The following SNX9 variants were observed in gnomAD, a reference collection of about 807,000 sequenced individuals.
The protein encoded by SNX9 is sorting nexin-9.
A neutral mutation model predicts 89.4 loss-of-function variants in SNX9; 44 were observed. The observed-to-expected ratio is 0.49, with a 90% CI of 0.39 to 0.63. The LOEUF is 0.63. Among genes scored for constraint, SNX9 ranks in the 30% least tolerant of loss-of-function variants. The pLI is 0.00. For synonymous variants in SNX9, 236 were observed against 247.8 expected (o/e 0.95, Z 0.45); for missense variants, 578 against 736.1 (o/e 0.79, Z 2.49).
At chr6:157,899,905 G>GTGTGTGT (rs1783058982) in intron 5 of SNX9, among the ~76,000 whole-genome samples, 1 of 151,980 alleles carries the variant, frequency 6.6e-6, no homozygotes, top group Non-Finnish European at 1.5e-5. Context: ...GTGTGTGTGT[G>GTGTGTGT]CGCGTGTATA....
At chr6:157,930,198 A>G (rs1033684754) in intron 12 of SNX9, among the ~76,000 whole-genome samples, 4 of 152,164 alleles carry the variant, frequency 2.6e-5, no homozygotes, top group African/African-American at 9.7e-5. Flanking sequence ...TTTACCATCC[A>G]CATATTATCT....
intron 15 of SNX9, 46 bp from the exon 16 acceptor site, chr6:157,938,587 T>C (rs751084051): frequency 7.9e-7 from 1 of 1,267,096 alleles, no homozygotes. Context: ...AACTAATGAC[T>C]AATCATTTCA....
At chr6:157,853,792 A>T (rs1178665010) in intron 1 of SNX9, among the ~76,000 whole-genome samples, 3 of 74,532 alleles carry the variant, frequency 4.0e-5, no homozygotes, top group Admixed American at 1.1e-4. Flanking sequence ...TGTAATGTTT[A>T]AAAAAAAAAA....
rs1583226810 is a variant in SNX9 at position 157,902,083 on chromosome 6, TA to T, written c.620+39del. 71 of 1,602,424 alleles carry T rather than the reference TA, an allele frequency of 4.4e-5. No homozygotes were observed. In the East Asian group the frequency reaches 1.6e-3, roughly 36 times the overall value. On this transcript the variant is annotated intron_variant, in intron 6 of 17. Coordinates refer to ENST00000392185, the MANE Select transcript of SNX9 (RefSeq NM_016224.5). The stretch of plus-strand genomic sequence containing the variant: ...GGGAGCCAGGGAACCAGGGCCGTGG[TA>T]GAAGTATACATTAATACAAAGTATA...
At chr6:157,862,205 C>T (rs958118824) in intron 1 of SNX9, among the ~76,000 whole-genome samples, 2 of 152,198 alleles carry the variant, frequency 1.3e-5, no homozygotes, top group Non-Finnish European at 2.9e-5. Flanking sequence ...TTTATGCCTT[C>T]ACCATTTAGA....
chr6:157,862,599 A>G (rs1460220463), intron 1 of SNX9, among the ~76,000 whole-genome samples: 8 of 152,198 alleles, frequency 5.3e-5, no homozygotes, highest in Non-Finnish European at 7.3e-5. Context: ...TTTATATGCA[A>G]TCAGAGAGGT....
At chr6:157,833,210 GT>G (rs1386159323) in intron 1 of SNX9, among the ~76,000 whole-genome samples, 1 of 152,044 alleles carries the variant, frequency 6.6e-6, no homozygotes, top group East Asian at 1.9e-4. Context: ...CACATAAGAA[GT>G]TTTTTTATGT....
intron 10 of SNX9, among the ~76,000 whole-genome samples, chr6:157,922,148 CCTCT>C (rs766290691): frequency 1.3e-5 from 2 of 152,164 alleles, no homozygotes; most frequent in African/African-American, 2.4e-5. Flanking sequence ...TCAGTGCTGG[CCTCT>C]CTCTCTGCCT....
At position 157,823,474 on chromosome 6, in the gene SNX9, C is replaced by G. The variant is rs1449644354; in HGVS notation, c.12+28C>G. On this transcript the variant is annotated intron_variant, in intron 1 of 17. Transcript: ENST00000392185. The surrounding 1 kb of genome is among the most constrained non-coding windows in gnomAD (Gnocchi z 4.6). The stretch of plus-strand genomic sequence containing the variant: ...GAGGGGCGCGCGGCGCAGGCCGGGC[C>G]GGTCGCTCAGGCCCGGGGCGGCGCG... The G allele has an allele frequency of 1.0e-5, 12 of 1,189,974 alleles. No homozygotes were observed. Among genetic ancestry groups the G allele is most frequent in the African/African-American group, 1.6e-5 (1 of 61,726 alleles). The allele number at this position is 1,189,974 out of a possible 1,614,324, so 73.7% of individuals were successfully genotyped here.
At chr6:157,841,364 A>G (rs1781699361) in intron 1 of SNX9, among the ~76,000 whole-genome samples, 1 of 152,184 alleles carries the variant, frequency 6.6e-6, no homozygotes, top group African/African-American at 2.4e-5. Context: ...TTTATTACCT[A>G]CAGGCCCTGG....
chr6:157,939,038 A>G (rs1783982696), intron 16 of SNX9, among the ~76,000 whole-genome samples: 1 of 152,202 alleles, frequency 6.6e-6, no homozygotes, highest in Non-Finnish European at 1.5e-5. Context: ...ATGCTCTATT[A>G]AATGCCAGAG....
intron 1 of SNX9, among the ~76,000 whole-genome samples, chr6:157,825,267 TC>T (rs1326142816): frequency 6.6e-6 from 1 of 151,926 alleles, no homozygotes; most frequent in African/African-American, 2.4e-5. Context: ...AAGACGAGAC[TC>T]CGTTTGAAAA....
intron 2 of SNX9, among the ~76,000 whole-genome samples, chr6:157,870,120 C>T (rs946849564): frequency 1.3e-5 from 2 of 151,036 alleles, no homozygotes; most frequent in African/African-American, 2.4e-5. Context: ...CACACATACA[C>T]CTGCACTCAC....
At chr6:157,861,407 T>A (rs1049396641) in intron 1 of SNX9, among the ~76,000 whole-genome samples, 3 of 152,234 alleles carry the variant, frequency 2.0e-5, no homozygotes, top group Non-Finnish European at 4.4e-5. Flanking sequence ...ACAGTTTGAA[T>A]AATGACACTG....
chr6:157,920,269 G>T (rs1200203675), intron 9 of SNX9, among the ~76,000 whole-genome samples: 1 of 152,124 alleles, frequency 6.6e-6, no homozygotes, highest in East Asian at 1.9e-4. Context: ...TCTCCAATGT[G>T]TATGCATACA....
chr6:157,921,437 C>G, intron 9 of SNX9, 94 bp from the exon 10 acceptor site: 1 of 1,300,606 alleles, frequency 7.7e-7, no homozygotes, highest in Non-Finnish European at 1.1e-6. Flanking sequence ...TACCCAATAG[C>G]CAGTAGACAT....
intron 1 of SNX9, among the ~76,000 whole-genome samples, chr6:157,848,523 G>A (rs1781846211): frequency 6.6e-6 from 1 of 152,244 alleles, no homozygotes; most frequent in Admixed American, 6.5e-5. Flanking sequence ...TTTAGCTGGG[G>A]CAGTAAACCT....
intron 1 of SNX9, among the ~76,000 whole-genome samples, chr6:157,834,521 A>AT (rs71027370): frequency 0.2 from 29,592 of 149,678 alleles, 3,324 homozygotes; most frequent in African/African-American, 0.29. Flanking sequence ...AATTTTTTAA[A>AT]TTTTTTTTTC....
In SNX9 at chr6:157,882,507, T is replaced by G. The variant is rs368462606; in HGVS notation, c.300+7331T>G. 4.6e-4 allele frequency among the ~76,000 whole-genome samples: 70 copies of G among 152,332 alleles called. 1 individual carries two copies. Among genetic ancestry groups the G allele is most frequent in the African/African-American group, 1.6e-3 (67 of 41,574 alleles). On this transcript the variant is annotated intron_variant, in intron 4 of 17. Coordinates refer to ENST00000392185, the MANE Select transcript of SNX9 (RefSeq NM_016224.5). Reference sequence around the variant, plus strand: ...TGGCTGCCATAAATAGTGATTCCTCTGATGGATCTGGGCAAAGTACATCGA... The same window carrying G: ...TGGCTGCCATAAATAGTGATTCCTCGGATGGATCTGGGCAAAGTACATCGA...
Sources: allele counts gnomAD v4.1 joint callset (sites outside exome capture counted in the v4.1 genomes callset), GRCh38; gene constraint gnomAD v4.1.1; non-coding constraint Gnocchi (gnomAD v3.1); transcripts MANE v1.5; gene names NCBI Gene and HGNC (gene_info 2026-07-23, HGNC 2026-07-21).